Variants in ASIC2 observed in about 807,000 individuals in gnomAD.
ASIC2 encodes the protein acid-sensing ion channel 2.
In ASIC2, 25 loss-of-function variants were observed where a neutral mutation model predicts 57.3. That is an observed-to-expected ratio of 0.44 (90% CI 0.32 to 0.61). The LOEUF (loss-of-function observed/expected upper bound fraction) is 0.61, where lower values mean the gene tolerates loss of function less well. Among genes scored for constraint, ASIC2 ranks in the 20% least tolerant of loss-of-function variants. The pLI, the probability that ASIC2 is intolerant of heterozygous loss-of-function variation, is 0.06. For synonymous variants in ASIC2, 319 were observed against 307.5 expected (o/e 1.04, Z -0.39); for missense variants, 641 against 738.1 (o/e 0.87, Z 1.52).
chr17:33,238,588 G>T (rs931482442), intron 1 of ASIC2, among the ~76,000 whole-genome samples: 16 of 152,134 alleles, frequency 1.1e-4, no homozygotes, highest in Admixed American at 6.5e-5. Flanking sequence ...TGCCCTGTCA[G>T]CTCTGGCCAG....
At chr17:33,497,420 T>A (rs1913970999) in intron 1 of ASIC2, among the ~76,000 whole-genome samples, 1 of 141,892 alleles carries the variant, frequency 7.0e-6, no homozygotes, top group African/African-American at 3.1e-5. Context: ...TTGATGCAAC[T>A]TTTTTTTTCA....
At chr17:34,130,890 T>TA (rs1459149940) in intron 1 of ASIC2, among the ~76,000 whole-genome samples, 1 of 152,198 alleles carries the variant, frequency 6.6e-6, no homozygotes, top group Non-Finnish European at 1.5e-5. Flanking sequence ...TGCCCTTAGG[T>TA]AAAAAGCACC....
At chr17:34,007,973 C>G (rs1396119637) in intron 1 of ASIC2, among the ~76,000 whole-genome samples, 2 of 152,184 alleles carry the variant, frequency 1.3e-5, no homozygotes, top group Non-Finnish European at 2.9e-5. Context: ...GTTCATTTTT[C>G]AATCACTCAG....
At chr17:33,580,098 C>T (rs1018042929) in intron 1 of ASIC2, 3 of 152,236 alleles carry the variant, frequency 2.0e-5, no homozygotes, top group East Asian at 1.9e-4. Flanking sequence ...GGCTTCACGT[C>T]TTATTAACAT....
At chr17:33,267,739 G>A (rs2142152919) in intron 1 of ASIC2, among the ~76,000 whole-genome samples, 2 of 152,364 alleles carry the variant, frequency 1.3e-5, no homozygotes, top group East Asian at 3.9e-4. Flanking sequence ...GGTAGGAAGT[G>A]ATGGTGCTCC....
At chr17:33,887,268 G>A (rs2141944387) in intron 1 of ASIC2, among the ~76,000 whole-genome samples, 1 of 152,304 alleles carries the variant, frequency 6.6e-6, no homozygotes, top group South Asian at 2.1e-4. Context: ...ACAGTGCCAA[G>A]CACTGGACAT....
intron 6 of ASIC2, among the ~76,000 whole-genome samples, chr17:33,022,630 G>C (rs1262676300): frequency 6.6e-6 from 1 of 152,160 alleles, no homozygotes. Context: ...CTTCTGCCTA[G>C]GACACCCACT....
In ASIC2 at chr17:33,464,520, CTTTCTTTCTTTCTTTCTTTCTCTT is replaced by C. The variant is rs1444054013; in HGVS notation, c.556-352477_556-352454del. On this transcript the variant is annotated intron_variant, in intron 1 of 9. Coordinates refer to the ASIC2 transcript ENST00000359872. ...TCTTTCTTTCTTTCTTTCTTTCTTTCTTTCTTTCTTTCTTTCTTTCTCTTTCTTTCTTTCTTTCTTTCTTTTCTC... is the reference window on the plus strand; with the variant it reads ...TCTTTCTTTCTTTCTTTCTTTCTTTCTCTTTCTTTCTTTCTTTCTTTTCTC... 2.5e-3 allele frequency among the ~76,000 whole-genome samples: 107 copies of C among 42,296 alleles called. 1 individual carries two copies. In the South Asian group the frequency reaches 0.034, roughly 14 times the overall value. 27.7% of individuals were successfully genotyped at this position (42,296 alleles called of 152,430 possible). A position where few individuals can be genotyped will look rare whatever the true frequency, so the allele number is the denominator to read the frequency against.
At chr17:33,397,205 C>G (rs920376016) in intron 1 of ASIC2, among the ~76,000 whole-genome samples, 3 of 152,182 alleles carry the variant, frequency 2.0e-5, no homozygotes, top group African/African-American at 4.8e-5. Flanking sequence ...CAGAGGTGTT[C>G]AGAGGGGACT....
At chr17:33,217,208 T>C (rs989720327) in intron 1 of ASIC2, among the ~76,000 whole-genome samples, 1 of 152,206 alleles carries the variant, frequency 6.6e-6, no homozygotes, top group East Asian at 1.9e-4. Context: ...CACTTCCTTC[T>C]GATGGATGGT....
At chr17:34,048,431 A>G (rs920171050) in intron 1 of ASIC2, among the ~76,000 whole-genome samples, 4 of 152,208 alleles carry the variant, frequency 2.6e-5, no homozygotes, top group Non-Finnish European at 5.9e-5. Flanking sequence ...GTAGATTGCA[A>G]TGGAATGAAT....
intron 1 of ASIC2, among the ~76,000 whole-genome samples, chr17:33,987,097 G>A (rs1905844713): frequency 6.6e-6 from 1 of 152,168 alleles, no homozygotes; most frequent in Admixed American, 6.5e-5. Context: ...TCACTTTACA[G>A]ATGAGGAAGC....
intron 1 of ASIC2, among the ~76,000 whole-genome samples, chr17:33,384,248 A>G (rs1909593130): frequency 6.6e-6 from 1 of 152,208 alleles, no homozygotes; most frequent in South Asian, 2.1e-4. Flanking sequence ...CTTTCCAAAT[A>G]CCCAAGATTT....
intron 1 of ASIC2, among the ~76,000 whole-genome samples, chr17:33,382,083 T>C (rs554748161): frequency 1.3e-5 from 2 of 152,308 alleles, no homozygotes; most frequent in Admixed American, 1.3e-4. Context: ...TGTGCTCATA[T>C]TGTTGTGGGT....
At chr17:33,190,539 T>G (rs763116855) in intron 1 of ASIC2, among the ~76,000 whole-genome samples, 6 of 152,128 alleles carry the variant, frequency 3.9e-5, no homozygotes, top group African/African-American at 1.4e-4. Flanking sequence ...GACAAGCTAC[T>G]ACTAAAAATT....
chr17:33,803,605 T>G (rs1290854680), intron 1 of ASIC2, among the ~76,000 whole-genome samples: 1 of 151,296 alleles, frequency 6.6e-6, no homozygotes, highest in Non-Finnish European at 1.5e-5. Flanking sequence ...TTTTTTTTTT[T>G]TTTTAACAAC....
intron 1 of ASIC2, among the ~76,000 whole-genome samples, chr17:33,439,961 G>A (rs1041013796): frequency 1.3e-5 from 2 of 152,182 alleles, no homozygotes; most frequent in African/African-American, 4.8e-5. Context: ...AGAGCAGGAC[G>A]ACTGTATTCG....
chr17:33,279,440 CT>C, intron 1 of ASIC2, among the ~76,000 whole-genome samples: 1 of 152,294 alleles, frequency 6.6e-6, no homozygotes, highest in Non-Finnish European at 1.5e-5. Context: ...AGCTTTGTGA[CT>C]TTGGGCCATG....
At chr17:33,241,715 C>A (rs1400565145) in intron 1 of ASIC2, among the ~76,000 whole-genome samples, 1 of 152,226 alleles carries the variant, frequency 6.6e-6, no homozygotes, top group Admixed American at 6.5e-5. Context: ...ACCCAGGACA[C>A]ATGCTCTATG....
Sources: allele counts gnomAD v4.1 joint callset (sites outside exome capture counted in the v4.1 genomes callset), GRCh38; gene constraint gnomAD v4.1.1; transcripts MANE v1.5; gene names NCBI Gene and HGNC (gene_info 2026-07-23, HGNC 2026-07-21).